The following MSRA variants were observed in gnomAD, a reference collection of about 807,000 sequenced individuals.
The protein encoded by MSRA is methionine sulfoxide reductase A.
In MSRA, 54 loss-of-function variants were observed where a neutral mutation model predicts 31.3. The observed-to-expected ratio is 1.73, with a 90% confidence interval of 1.39 to 2.17. The LOEUF (loss-of-function observed/expected upper bound fraction) is 2.17. Ranked by LOEUF, MSRA falls within the 30% of genes most tolerant of loss-of-function variation. The probability of loss-of-function intolerance (pLI) is 0.00; values close to 1 mark genes in which losing one functional copy is unlikely to be tolerated. For synonymous variants in MSRA, 169 were observed against 116.5 expected (o/e 1.45, Z -2.90); for missense variants, 507 against 300.9 (o/e 1.69, Z -5.07).
intron 2 of MSRA, among the ~76,000 whole-genome samples, chr8:10,233,848 A>G (rs1037948552): frequency 1.3e-5 from 2 of 152,206 alleles, no homozygotes; most frequent in African/African-American, 4.8e-5. Context: ...AGCCCTAAGC[A>G]AGATAAATAA....
intron 1 of MSRA, among the ~76,000 whole-genome samples, chr8:10,077,207 T>C (rs1798035535): frequency 6.6e-6 from 1 of 152,186 alleles, no homozygotes. Flanking sequence ...CAAAAGCTTT[T>C]GCCAACAATG....
intron 5 of MSRA, among the ~76,000 whole-genome samples, chr8:10,424,306 G>GAGGGAGACGATGCTGAGGGGTGAATC (rs1347169005): frequency 1.3e-5 from 2 of 152,224 alleles, no homozygotes; most frequent in African/African-American, 4.8e-5. Context: ...AGAAGATGGT[G>GAGGGAGACGATGCTGAGGGGTGAATC]AGGGAGACGA....
intron 1 of MSRA, among the ~76,000 whole-genome samples, chr8:10,070,497 C>A (rs772084058): frequency 6.6e-6 from 1 of 152,210 alleles, no homozygotes; most frequent in South Asian, 2.1e-4. Context: ...CTCTGTGGAT[C>A]TGTTGTACTC....
intron 1 of MSRA, among the ~76,000 whole-genome samples, chr8:10,109,937 T>C (rs1800157957): frequency 6.6e-6 from 1 of 152,176 alleles, no homozygotes; most frequent in Non-Finnish European, 1.5e-5. Context: ...TTGCCACAGT[T>C]TTTGGTTTCC....
At chr8:10,200,054 C>A (rs1480225468) in intron 1 of MSRA, among the ~76,000 whole-genome samples, 1 of 152,182 alleles carries the variant, frequency 6.6e-6, no homozygotes. Context: ...CAGGCTTGTT[C>A]TTCTGCAGAA....
At chr8:10,415,218 C>A (rs1221167466) in intron 5 of MSRA, among the ~76,000 whole-genome samples, 1 of 152,188 alleles carries the variant, frequency 6.6e-6, no homozygotes, top group African/African-American at 2.4e-5. Context: ...GGGTCCCCAC[C>A]ATTCACGATG....
chr8:10,253,584 T>C (rs1349535365), intron 3 of MSRA, among the ~76,000 whole-genome samples: 2 of 152,260 alleles, frequency 1.3e-5, no homozygotes, highest in African/African-American at 2.4e-5. Context: ...TTCATTGTTT[T>C]AGGATTATAT....
chr8:10,149,511 C>T (rs971450019), intron 1 of MSRA, among the ~76,000 whole-genome samples: 3 of 152,186 alleles, frequency 2.0e-5, no homozygotes, highest in African/African-American at 4.8e-5. Flanking sequence ...GAAGGTCGCA[C>T]CTTATTACAA....
intron 1 of MSRA, among the ~76,000 whole-genome samples, chr8:10,118,751 C>G (rs1182920306): frequency 6.6e-6 from 1 of 152,196 alleles, no homozygotes; most frequent in African/African-American, 2.4e-5. Flanking sequence ...CTACACGTCC[C>G]TCAAAACCAG....
intron 3 of MSRA, among the ~76,000 whole-genome samples, chr8:10,269,982 A>G (rs1027745579): frequency 5.3e-5 from 8 of 152,222 alleles, no homozygotes; most frequent in Non-Finnish European, 8.8e-5. Context: ...TGACCGTGGA[A>G]AAATGATCTC....
chr8:10,391,394 C>G (rs1806737401), intron 5 of MSRA, among the ~76,000 whole-genome samples: 2 of 152,166 alleles, frequency 1.3e-5, no homozygotes, highest in Admixed American at 1.3e-4. Flanking sequence ...AGGGGAGGCA[C>G]TGTGATGTGT....
chr8:10,296,660 A>G (rs575420272), intron 3 of MSRA, among the ~76,000 whole-genome samples: 9 of 152,366 alleles, frequency 5.9e-5, no homozygotes, highest in Non-Finnish European at 1.3e-4. Context: ...CCAGGCACTA[A>G]TCACCCAGTT....
chr8:10,366,937 G>A (rs190541205), intron 5 of MSRA, among the ~76,000 whole-genome samples: 6 of 152,178 alleles, frequency 3.9e-5, no homozygotes, highest in East Asian at 1.9e-4. Flanking sequence ...GTTGTGTTCC[G>A]GTTGGGCCTT....
intron 3 of MSRA, among the ~76,000 whole-genome samples, chr8:10,288,536 A>AT (rs920672557): frequency 1.3e-4 from 19 of 151,860 alleles, no homozygotes; most frequent in Non-Finnish European, 2.5e-4. Flanking sequence ...TGTTGGACTG[A>AT]TTTTTTTTGG....
chr8:10,395,111 T>C (rs1334292937), intron 5 of MSRA, among the ~76,000 whole-genome samples: 1 of 152,170 alleles, frequency 6.6e-6, no homozygotes, highest in Non-Finnish European at 1.5e-5. Context: ...GAGCTCAGGA[T>C]GGTTTAGGAA....
chr8:10,109,370 C>G (rs552579275), intron 1 of MSRA, among the ~76,000 whole-genome samples: 1 of 149,198 alleles, frequency 6.7e-6, no homozygotes, highest in Non-Finnish European at 1.5e-5. Context: ...GAGATGGGGT[C>G]TTACTCTGTC....
At chr8:10,133,152 A>G (rs1787573558) in intron 1 of MSRA, among the ~76,000 whole-genome samples, 1 of 152,090 alleles carries the variant, frequency 6.6e-6, no homozygotes, top group African/African-American at 2.4e-5. Context: ...ATATATTTCA[A>G]TCATGTTTTC....
chr8:10,309,580 C>A (rs1299311740), intron 4 of MSRA, among the ~76,000 whole-genome samples: 1 of 152,220 alleles, frequency 6.6e-6, no homozygotes, highest in Non-Finnish European at 1.5e-5. Flanking sequence ...CCACCTGCAG[C>A]ACAGCTCCCA....
chr8:10,379,081 C>G (rs918568494), intron 5 of MSRA, among the ~76,000 whole-genome samples: 1 of 152,050 alleles, frequency 6.6e-6, no homozygotes. Context: ...GCTTCATAAC[C>G]TTCATATTTG....
Sources: gnomAD v4.1 joint callset for allele counts (sites outside exome capture counted in the v4.1 genomes callset) on GRCh38, gnomAD v4.1.1 for gene constraint, MANE v1.5 for transcripts, NCBI Gene and HGNC (gene_info 2026-07-23, HGNC 2026-07-21) for gene names.